The following ABCD2 variants were observed in gnomAD, a reference collection of about 807,000 sequenced individuals.
ABCD2 encodes the protein ATP binding cassette subfamily D member 2, also known as ATP-binding cassette sub-family D member 2.
ABCD2 carries 36 observed loss-of-function variants against 70.9 expected under a neutral mutation model. The observed-to-expected ratio is 0.51, with a 90% CI of 0.39 to 0.67. The LOEUF is 0.67. Among genes scored for constraint, ABCD2 ranks in the 30% least tolerant of loss-of-function variants. The pLI, the probability that ABCD2 is intolerant of heterozygous loss-of-function variation, is 0.00. For missense variants in ABCD2, 729 were observed against 890.2 expected (o/e 0.82, Z 2.30); for synonymous variants, 304 against 306.9 (o/e 0.99, Z 0.10).
chr12:39,569,529 C>T (rs1208877604), intron 9 of ABCD2, among the ~76,000 whole-genome samples: 1 of 152,318 alleles, frequency 6.6e-6, no homozygotes, highest in African/African-American at 2.4e-5. Context: ...TCTGTCAACC[C>T]TTACTTTGAG....
rs568899160 is a variant in ABCD2, at chr12:39,563,258, C to T, written c.2004-9127G>A. On this transcript the variant is annotated intron_variant, in intron 9 of 9. Coordinates refer to ENST00000308666, the MANE Select transcript of ABCD2 (RefSeq NM_005164.4). ...TTCCCTCTGCAACCAGGCATGGTGG[C>T]TCATGCCTGTAAATCTTAGTACTTC... Among the ~76,000 whole-genome samples the T allele has an allele frequency of 3.9e-5, 6 of 152,216 alleles. 1 individual carries two copies. The South Asian group carries it at 6.2e-4, about 16-fold the overall frequency.
At position 39,573,725 on chromosome 12, in the gene ABCD2, G is replaced by T; in HGVS notation, c.1994C>A (p.Pro665His). ...CACTAGAAACACTTACCAAAGAGAA[G>T]GTCTGTGTGTTATAGACAGTAAGGA... Reference protein sequence around the residue: ...GISLLSITHRPSLWKYHTHLL... With the variant: ...GISLLSITHRHSLWKYHTHLL... The change falls in exon 9 of 10, where the codon CCT becomes CAT. Residue 665 changes from proline (P) to histidine (H), a missense_variant. Pro to His is a moderately conservative substitution (Grantham distance 77). This residue lies in a region of ABCD2 where 289 missense variants were observed against 328.8 expected (regional missense o/e 0.88). Coordinates refer to ENST00000308666, the MANE Select transcript of ABCD2 (RefSeq NM_005164.4). 1 of 1,608,410 alleles carries T rather than the reference G, an allele frequency of 6.2e-7. No homozygotes were observed. The highest frequency in any genetic ancestry group is 1.1e-5 in the South Asian group (1 of 89,658).
intron 1 of ABCD2, 94 bp downstream of exon 1, chr12:39,618,583 T>C (rs576613323): frequency 1.8e-6 from 2 of 1,091,432 alleles, no homozygotes; most frequent in South Asian, 1.5e-5. Context: ...ACTAAAGAAG[T>C]GGGTCCATCG....
chr12:39,558,946 A>C (rs930407835), intron 9 of ABCD2, among the ~76,000 whole-genome samples: 15 of 152,210 alleles, frequency 9.9e-5, no homozygotes, highest in African/African-American at 3.4e-4. Context: ...CAATGGAGAC[A>C]TCAATAGCAG....
chr12:39,568,103 C>G (rs1941385654), intron 9 of ABCD2, among the ~76,000 whole-genome samples: 1 of 151,920 alleles, frequency 6.6e-6, no homozygotes, highest in Non-Finnish European at 1.5e-5. Context: ...AATTATGTGT[C>G]TTGGAGTTGC....
intron 9 of ABCD2, among the ~76,000 whole-genome samples, chr12:39,556,124 A>G (rs1420148228): frequency 3.3e-5 from 5 of 152,230 alleles, no homozygotes; most frequent in Admixed American, 1.3e-4. Flanking sequence ...TAATGTGTAG[A>G]CATCAATTCA....
intron 9 of ABCD2, among the ~76,000 whole-genome samples, chr12:39,568,881 C>A (rs1478388616): frequency 4.6e-5 from 7 of 152,172 alleles, no homozygotes; most frequent in Admixed American, 3.9e-4. Flanking sequence ...TTGGAGTTTG[C>A]TAGAGGTCCA....
At chr12:39,606,202 T>C (rs1941967171) in intron 3 of ABCD2, among the ~76,000 whole-genome samples, 1 of 152,010 alleles carries the variant, frequency 6.6e-6, no homozygotes, top group South Asian at 2.1e-4. Flanking sequence ...GTGAAGACGG[T>C]AGGAAGTGTC....
intron 9 of ABCD2, among the ~76,000 whole-genome samples, chr12:39,572,380 C>G (rs1167401583): frequency 6.6e-6 from 1 of 152,144 alleles, no homozygotes; most frequent in Non-Finnish European, 1.5e-5. Flanking sequence ...AGGCAAATGT[C>G]ATTATTGTCT....
chr12:39,531,089 A>G, the ABCD2 span, among the ~76,000 whole-genome samples: 2 of 152,202 alleles, frequency 1.3e-5, no homozygotes, highest in East Asian at 3.8e-4. Context: ...TCAAGCTTCA[A>G]TTCCAGGCAC....
At chr12:39,575,927 G>A (rs1941510153) in intron 8 of ABCD2, among the ~76,000 whole-genome samples, 1 of 152,178 alleles carries the variant, frequency 6.6e-6, no homozygotes, top group Admixed American at 6.5e-5. Context: ...TTACAGATAT[G>A]TGAAATCTCT....
At chr12:39,588,092 C>A (rs1290013029) in intron 6 of ABCD2, among the ~76,000 whole-genome samples, 3 of 152,096 alleles carry the variant, frequency 2.0e-5, no homozygotes, top group African/African-American at 4.8e-5. Context: ...AAGAAAGATA[C>A]AAACATGCTG....
rs74088747 is a variant in ABCD2 at position 39,580,017 on chromosome 12, C to G, written c.1793-398G>C. On this transcript the variant is annotated intron_variant, in intron 7 of 9. Transcript: ENST00000308666. ...AAGAAAGGAACTAATTTAGGTGGCTCTCCTGTGCCTAGCACTTTATGTGAG... is the reference window on the plus strand; with the variant it reads ...AAGAAAGGAACTAATTTAGGTGGCTGTCCTGTGCCTAGCACTTTATGTGAG... Among the ~76,000 whole-genome samples the G allele has an allele frequency of 2.5e-3, 375 of 152,256 alleles. 2 individuals carry two copies. Among genetic ancestry groups the G allele is most frequent in the African/African-American group, 8.5e-3 (352 of 41,538 alleles).
rs1942158637 is a variant in ABCD2 at position 39,619,206 on chromosome 12, T to C, written c.410A>G (p.Glu137Gly). Reference sequence around the variant, plus strand: ...GATGATGAAAGTCCGAGGCTTCTTTTCCACAATGCTTTTCACGATTTTTCC... The same window carrying C: ...GATGATGAAAGTCCGAGGCTTCTTTCCCACAATGCTTTTCACGATTTTTCC... The part of the protein sequence containing the change: ...LDGKIVKSIV[E>G]KKPRTFIIKL... Residue 137 changes from glutamate (E) to glycine (G), a missense_variant, in exon 1 of 10, where the codon GAA becomes GGA. Glu to Gly is a moderately conservative substitution (Grantham distance 98). This residue lies in a region of ABCD2 where 245 missense variants were observed against 261.2 expected (regional missense o/e 0.94). Coordinates refer to ENST00000308666, the MANE Select transcript of ABCD2 (RefSeq NM_005164.4). 7 of 1,614,038 alleles carry C rather than the reference T, an allele frequency of 4.3e-6. No individual in the cohort carries two copies. The highest frequency in any genetic ancestry group is 2.2e-5 in the East Asian group (1 of 44,898).
At chr12:39,547,161 T>C (rs772278109), downstream of ABCD2, among the ~76,000 whole-genome samples, 2 of 152,012 alleles carry the variant, frequency 1.3e-5, no homozygotes, top group Non-Finnish European at 2.9e-5. Flanking sequence ...ACTCATTAGA[T>C]TGACTCCTAT....
At chr12:39,537,239 A>T in the ABCD2 span, among the ~76,000 whole-genome samples, 2 of 152,132 alleles carry the variant, frequency 1.3e-5, no homozygotes, top group South Asian at 2.1e-4. Context: ...TGCAAAACTG[A>T]ACTCATCTTC....
intron 6 of ABCD2, among the ~76,000 whole-genome samples, chr12:39,590,721 CT>C (rs1941734012): frequency 6.7e-6 from 1 of 150,196 alleles, no homozygotes; most frequent in Non-Finnish European, 1.5e-5. Flanking sequence ...TATATTCCCA[CT>C]TTTCTGCATT....
Position 39,584,477 on chromosome 12 carries a change from C to G in ABCD2, c.1792+1675G>C, listed in dbSNP as rs376339442. Among the ~76,000 whole-genome samples, 54 of 152,218 alleles carry G rather than the reference C, an allele frequency of 3.5e-4. 1 individual carries two copies. In the East Asian group the frequency reaches 8.3e-3, roughly 23 times the overall value. On this transcript the variant is annotated intron_variant, in intron 7 of 9. Coordinates refer to ENST00000308666, the MANE Select transcript of ABCD2 (RefSeq NM_005164.4). ...TCCCATTGTGTAGGTTGTCTGTTTA[C>G]TCTGTTGATAGTTTCTTTTGCTGTG...
chr12:39,598,444 G>T (rs557669314), intron 6 of ABCD2, among the ~76,000 whole-genome samples: 1 of 151,836 alleles, frequency 6.6e-6, no homozygotes, highest in Non-Finnish European at 1.5e-5. Context: ...CTTGTTGCCC[G>T]GGCTGGAGTG....
Sources: allele counts gnomAD v4.1 joint callset (sites outside exome capture counted in the v4.1 genomes callset), GRCh38; gene constraint gnomAD v4.1.1; regional missense constraint gnomAD v4.1.1; transcripts MANE v1.5; gene names NCBI Gene and HGNC (gene_info 2026-07-23, HGNC 2026-07-21).